The following AIMP2 variants were observed in gnomAD, a reference collection of about 807,000 sequenced individuals.
AIMP2 encodes aminoacyl tRNA synthetase complex interacting multifunctional protein 2, also known as aminoacyl tRNA synthase complex-interacting multifunctional protein 2.
In AIMP2, 20 loss-of-function variants were observed where a neutral mutation model predicts 23.4. The observed-to-expected ratio is 0.85, with a 90% CI of 0.60 to 1.24. The LOEUF is 1.24. Among genes scored for constraint, AIMP2 ranks in the 50% most tolerant of loss-of-function variants. The pLI is 0.00. For synonymous variants in AIMP2, 210 were observed against 170.4 expected (o/e 1.23, Z -1.81); for missense variants, 515 against 414.5 (o/e 1.24, Z -2.10).
chr7:6,021,195 C>G (rs1206970473), intron 3 of AIMP2, among the ~76,000 whole-genome samples: 2 of 152,106 alleles, frequency 1.3e-5, no homozygotes, highest in East Asian at 3.9e-4. Context: ...AAAGAGAACC[C>G]TGGCTGGGCA....
intron 1 of AIMP2, among the ~76,000 whole-genome samples, chr7:6,011,192 A>G (rs547278484): frequency 6.6e-6 from 1 of 152,254 alleles, no homozygotes; most frequent in East Asian, 1.9e-4. Context: ...GTACTAATGA[A>G]TGGGACTGCT....
intron 3 of AIMP2, among the ~76,000 whole-genome samples, chr7:6,021,531 A>G (rs1427381376): frequency 6.6e-6 from 1 of 152,102 alleles, no homozygotes; most frequent in Non-Finnish European, 1.5e-5. Context: ...CAAGGAAACC[A>G]TGAAATAGAT....
chr7:6,023,289 T>C lies in AIMP2; in HGVS notation c.575-14T>C. On this transcript the variant is annotated splice_polypyrimidine_tract_variant and intron_variant, in intron 3 of 3. Coordinates refer to ENST00000223029, the MANE Select transcript of AIMP2 (RefSeq NM_006303.4). ...TGCTCTGGTGATGCTACCTGGCGTG[T>C]TTTTTCTTTTCAGTGCCGAAGACGC... 6.4e-7 allele frequency: 1 copy of C among 1,574,270 alleles called. No individual in the cohort carries two copies. Among genetic ancestry groups the C allele is most frequent in the African/African-American group, 1.4e-5 (1 of 73,762 alleles).
intron 1 of AIMP2, among the ~76,000 whole-genome samples, chr7:6,014,044 T>C (rs554763201): frequency 1.4e-4 from 22 of 152,296 alleles, no homozygotes; most frequent in African/African-American, 5.3e-4. Flanking sequence ...TGTTTCAACC[T>C]GTGTTCCCTT....
At position 6,009,373 on chromosome 7, in the gene AIMP2, T is replaced by C. The variant is rs767031199; in HGVS notation, c.10T>C (p.Tyr4His). MPM[Y>H]QVKPYHGGGA... is the part of the protein sequence containing the mutation. ...TTGCTTTGGTTCTGCCATGCCGATG[T>C]ACCAGGTAAAGCCCTATCACGGGGG... Residue 4 changes from tyrosine (Y) to histidine (H), a missense_variant, in exon 1 of 4, where the codon TAC becomes CAC. By Grantham distance (83) the Tyr-to-His change is moderately conservative. Coordinates refer to ENST00000223029, the MANE Select transcript of AIMP2 (RefSeq NM_006303.4). 6.2e-7 allele frequency: 1 copy of C among 1,611,826 alleles called. No individual in the cohort carries two copies. Among genetic ancestry groups the C allele is most frequent in the Admixed American group, 1.7e-5 (1 of 60,034 alleles).
Position 6,009,333 on chromosome 7 carries a change from A to T in AIMP2, c.-31A>T, listed in dbSNP as rs1307337248. 6.2e-7 allele frequency: 1 copy of T among 1,611,596 alleles called. No homozygotes were observed. The highest frequency in any genetic ancestry group is 2.3e-4 in the Middle Eastern group (1 of 4,436). On this transcript the variant is annotated 5_prime_UTR_variant, in exon 1 of 4. Transcript: ENST00000223029. ...CGGTTTCTGAGCGTTGGCCTTTGGC[A>T]CGCGCTACCCCCTTTTGCTTTGGTT... is the stretch of plus-strand genomic sequence containing the variant.
chr7:6,012,377 C>T (rs559668320), intron 1 of AIMP2, among the ~76,000 whole-genome samples: 131 of 152,170 alleles, frequency 8.6e-4, no homozygotes, highest in Middle Eastern at 6.9e-3. Context: ...TACCACATCA[C>T]AGTCTAGTCT....
chr7:6,009,974 A>AAAAAAAAAATATATATATAT, intron 1 of AIMP2, among the ~76,000 whole-genome samples: 8 of 26,666 alleles, frequency 3.0e-4, no homozygotes, highest in Non-Finnish European at 4.1e-4. Flanking sequence ...AAAAAAAAAA[A>AAAAAAAAAATATATATATAT]ATATATATAT....
chr7:6,020,682 C>A (rs1366592537), intron 3 of AIMP2, among the ~76,000 whole-genome samples: 4 of 152,108 alleles, frequency 2.6e-5, no homozygotes, highest in Admixed American at 2.0e-4. Context: ...AGACAAGTTC[C>A]CAGATGCCAT....
intron 3 of AIMP2, among the ~76,000 whole-genome samples, chr7:6,021,096 C>T (rs992735742): frequency 6.6e-6 from 1 of 151,816 alleles, no homozygotes; most frequent in Admixed American, 6.6e-5. Context: ...GCACTCAGAG[C>T]CCCACGAGTT....
At chr7:6,014,746 G>C (rs966440188) in intron 1 of AIMP2, among the ~76,000 whole-genome samples, 1 of 151,214 alleles carries the variant, frequency 6.6e-6, no homozygotes, top group Non-Finnish European at 1.5e-5. Context: ...TTGAGATGGA[G>C]TCTCACTCTG....
intron 1 of AIMP2, among the ~76,000 whole-genome samples, chr7:6,009,974 A>AAAAAAAAAAAAATATAT: frequency 3.8e-5 from 1 of 26,662 alleles, no homozygotes; most frequent in Non-Finnish European, 6.8e-5. Flanking sequence ...AAAAAAAAAA[A>AAAAAAAAAAAAATATAT]ATATATATAT....
At chr7:6,023,093 CTT>C (rs376011030) in intron 3 of AIMP2, 180 of 576,786 alleles carry the variant, frequency 3.1e-4, no homozygotes, top group African/African-American at 3.1e-3. Flanking sequence ...AGGAATGACT[CTT>C]TGGTTACTTT....
rs1045153853 is a variant in AIMP2 at position 6,019,882 on chromosome 7, C to T, written c.574+1837C>T. 5.3e-5 allele frequency among the ~76,000 whole-genome samples: 8 copies of T among 151,788 alleles called. No individual in the cohort carries two copies. The South Asian group carries it at 8.3e-4, about 16-fold the overall frequency. On this transcript the variant is annotated intron_variant, in intron 3 of 3. Transcript: ENST00000223029. ...ACTAAAAATACAAAAATTAGCTGGG[C>T]GTGGTGGTGCGTGCCTGTAGTCCCA...
Sources: gnomAD v4.1 joint callset for allele counts (sites outside exome capture counted in the v4.1 genomes callset) on GRCh38, gnomAD v4.1.1 for gene constraint, MANE v1.5 for transcripts, NCBI Gene and HGNC (gene_info 2026-07-23, HGNC 2026-07-21) for gene names.